LRRFIP1: variants seen among roughly 807,000 people sequenced by gnomAD.
LRRFIP1 encodes leucine-rich repeat flightless-interacting protein 1.
In LRRFIP1, 62 loss-of-function variants were observed where a neutral mutation model predicts 104.4. The ratio of observed to expected loss-of-function variants is 0.59; its 90% CI spans 0.48 to 0.73. LRRFIP1 has a LOEUF of 0.73. Among genes scored for constraint, LRRFIP1 ranks in the 30% least tolerant of loss-of-function variants. The probability of loss-of-function intolerance (pLI) is 0.00; values close to 1 mark genes in which losing one functional copy is unlikely to be tolerated. For missense variants in LRRFIP1, 796 were observed against 824.5 expected (o/e 0.97, Z 0.42); for synonymous variants, 300 against 299.0 (o/e 1.00, Z -0.03).
intron 1 of LRRFIP1, chr2:237,683,542 A>G (rs866119384): frequency 6.6e-6 from 1 of 152,160 alleles, no homozygotes; most frequent in South Asian, 2.1e-4. Context: ...AAGATATCCA[A>G]TTTGTACACA....
chr2:237,734,428 G>T (rs139967683), intron 9 of LRRFIP1, among the ~76,000 whole-genome samples: 11 of 151,964 alleles, frequency 7.2e-5, no homozygotes, highest in Non-Finnish European at 8.8e-5. Context: ...TTACAGGCAC[G>T]TGTCACCACA....
intron 1 of LRRFIP1, among the ~76,000 whole-genome samples, chr2:237,663,819 C>T (rs1341341503): frequency 2.0e-5 from 3 of 152,094 alleles, no homozygotes; most frequent in South Asian, 4.1e-4. Context: ...GCACTACCCA[C>T]AGGGAAAGGT....
At chr2:237,704,177 G>A (rs1393314098) in intron 1 of LRRFIP1, among the ~76,000 whole-genome samples, 1 of 139,790 alleles carries the variant, frequency 7.2e-6, no homozygotes, top group African/African-American at 2.7e-5. Flanking sequence ...TTTCAAGGCA[G>A]AGTCTCGCTC....
intron 1 of LRRFIP1, among the ~76,000 whole-genome samples, chr2:237,700,083 T>C (rs1559586033): frequency 6.6e-6 from 1 of 152,230 alleles, no homozygotes; most frequent in Non-Finnish European, 1.5e-5. Context: ...CGTCCGTTCT[T>C]GTCCACGTCT....
intron 19 of LRRFIP1, chr2:237,765,443 A>AC: frequency 1.2e-6 from 1 of 848,972 alleles, no homozygotes; most frequent in Non-Finnish European, 1.4e-6. Context: ...TCTAAAAAAA[A>AC]AAAAAAAAAA....
At chr2:237,716,751 TAAAA>T (rs926409521) in intron 3 of LRRFIP1, among the ~76,000 whole-genome samples, 4 of 152,210 alleles carry the variant, frequency 2.6e-5, no homozygotes, top group African/African-American at 9.6e-5. Flanking sequence ...GGAAATTAAA[TAAAA>T]AGGAGAGAAG....
intron 19 of LRRFIP1, chr2:237,762,745 G>C: frequency 6.2e-7 from 1 of 1,614,234 alleles, no homozygotes; most frequent in Non-Finnish European, 8.5e-7. Flanking sequence ...CTGCTGGTGA[G>C]AATACCGAGG....
rs2093668005 is a variant in LRRFIP1, at chr2:237,703,878, C to G, written c.97-4666C>G. ...CCACGGTCAGCCCACAGGCTACTCA[C>G]AGAAAGTGACAGGCCGTGTTCAGAA... is the stretch of plus-strand genomic sequence containing the variant. On this transcript the variant is annotated intron_variant, in intron 1 of 23. Coordinates refer to ENST00000308482, the MANE Select transcript of LRRFIP1 (RefSeq NM_001137550.2). This position sits in a 1 kb window ranked among gnomAD's most constrained non-coding sequence, Gnocchi z 4.3. Among the ~76,000 whole-genome samples the G allele has an allele frequency of 1.3e-5, 2 of 152,282 alleles. No individual in the cohort carries two copies. The highest frequency in any genetic ancestry group is 2.1e-4 in the South Asian group (1 of 4,828).
At chr2:237,700,521 G>A (rs1349193919) in intron 1 of LRRFIP1, among the ~76,000 whole-genome samples, 4 of 152,166 alleles carry the variant, frequency 2.6e-5, no homozygotes, top group African/African-American at 7.2e-5. Flanking sequence ...TCTGCTTGAC[G>A]CTAAAACCTG....
intron 6 of LRRFIP1, among the ~76,000 whole-genome samples, chr2:237,722,450 G>A (rs1039563810): frequency 6.6e-6 from 1 of 152,164 alleles, no homozygotes; most frequent in Non-Finnish European, 1.5e-5. Context: ...ACGGTGTTAT[G>A]TAACAGCATT....
At chr2:237,669,942 A>C (rs1484039748) in intron 1 of LRRFIP1, among the ~76,000 whole-genome samples, 1 of 152,194 alleles carries the variant, frequency 6.6e-6, no homozygotes, top group African/African-American at 2.4e-5. Context: ...AACTTCTGGC[A>C]AAAGATTGGG....
intron 1 of LRRFIP1, among the ~76,000 whole-genome samples, chr2:237,633,248 G>A (rs527564902): frequency 6.6e-6 from 1 of 152,330 alleles, no homozygotes; most frequent in East Asian, 1.9e-4. Context: ...TGACAAGACT[G>A]GTGTTCCAGA....
intron 1 of LRRFIP1, among the ~76,000 whole-genome samples, chr2:237,688,319 A>G (rs1559546476): frequency 3.3e-5 from 5 of 152,194 alleles, no homozygotes; most frequent in Admixed American, 2.6e-4. Context: ...GGCACTTGTT[A>G]GAAGGGGCTG....
rs746209932 is a variant in LRRFIP1, at chr2:237,749,305, C to A, written c.776C>A (p.Ala259Glu). The change falls in exon 13 of 24, where the codon GCA (alanine) becomes GAA (glutamate). Residue 259 changes from alanine to glutamate, a missense_variant. Physicochemically the swap from Ala to Glu is moderately radical, Grantham distance 107 (BLOSUM62 -1). Coordinates refer to ENST00000308482, the MANE Select transcript of LRRFIP1 (RefSeq NM_001137550.2). ...ACCTCCATCTCCATCGACACCGAGG[C>A]ATCCATCAGGGAAATCAAGGTGAGA... ...GDTSISIDTEASIREIKELNE... is the reference protein window; with the variant it reads ...GDTSISIDTEESIREIKELNE... The A allele has an allele frequency of 6.2e-7, 1 of 1,613,606 alleles. No homozygotes were observed. The highest frequency in any genetic ancestry group is 1.3e-5 in the African/African-American group (1 of 74,892).
At chr2:237,768,986 G>A (rs1057411037) in intron 19 of LRRFIP1, 1 of 152,284 alleles carries the variant, frequency 6.6e-6, no homozygotes, top group Non-Finnish European at 1.5e-5. Context: ...TTAGGGGAGT[G>A]TTCCCGTGGC....
chr2:237,709,094 G>A (rs1467251670), intron 2 of LRRFIP1, among the ~76,000 whole-genome samples: 3 of 152,170 alleles, frequency 2.0e-5, no homozygotes, highest in Non-Finnish European at 2.9e-5. Flanking sequence ...TCTAGAGCCC[G>A]TGTGTGATAG....
intron 19 of LRRFIP1, among the ~76,000 whole-genome samples, chr2:237,767,688 T>G (rs997453376): frequency 6.6e-6 from 1 of 152,336 alleles, no homozygotes; most frequent in Non-Finnish European, 1.5e-5. Context: ...CCACTATCAC[T>G]AGGACCCTGA....
intron 3 of LRRFIP1, among the ~76,000 whole-genome samples, chr2:237,715,604 T>C (rs2094298600): frequency 1.3e-5 from 2 of 152,236 alleles, no homozygotes; most frequent in Non-Finnish European, 1.5e-5. Context: ...AGGCACAGTT[T>C]TGTAGTAAAG....
intron 1 of LRRFIP1, among the ~76,000 whole-genome samples, chr2:237,689,234 G>A (rs915089007): frequency 6.6e-6 from 1 of 152,186 alleles, no homozygotes; most frequent in African/African-American, 2.4e-5. Flanking sequence ...GGAGGCAACT[G>A]TGGATCCTCT....
Sources: allele counts gnomAD v4.1 joint callset (sites outside exome capture counted in the v4.1 genomes callset), GRCh38; gene constraint gnomAD v4.1.1; non-coding constraint Gnocchi (gnomAD v3.1); transcripts MANE v1.5; gene names NCBI Gene and HGNC (gene_info 2026-07-23, HGNC 2026-07-21).